The following ZNF566 variants were observed in gnomAD, a reference collection of about 807,000 sequenced individuals.
ZNF566 encodes the protein zinc finger protein 566.
Under a neutral mutation model 32.8 loss-of-function variants are expected in ZNF566, and 27 were observed. That is an observed-to-expected ratio of 0.82 (90% confidence interval 0.61 to 1.14). The LOEUF is 1.14. ZNF566 is among the 50% of genes most tolerant of loss of function. ZNF566 has a pLI of 0.00. For synonymous variants in ZNF566, 154 were observed against 159.5 expected (o/e 0.97, Z 0.26); for missense variants, 402 against 490.4 (o/e 0.82, Z 1.70).
intron 4 of ZNF566, among the ~76,000 whole-genome samples, chr19:36,463,115 A>G (rs2033519138): frequency 6.6e-6 from 1 of 151,814 alleles, no homozygotes; most frequent in Non-Finnish European, 1.5e-5. Flanking sequence ...ATCAGCCTAG[A>G]TAACACAGGG....
In ZNF566 at chr19:36,448,627, G is replaced by A. The variant is rs2033053972; in HGVS notation, c.*350C>T. On this transcript the variant is annotated 3_prime_UTR_variant, in exon 5 of 5. Coordinates refer to ENST00000452939, the MANE Select transcript of ZNF566 (RefSeq NM_001145344.1). ...GAATGTAACAATTAGAGAAATTAGGGGAAAAAATGACAATCACAGGACTAC... is the reference window on the plus strand; with the variant it reads ...GAATGTAACAATTAGAGAAATTAGGAGAAAAAATGACAATCACAGGACTAC... 1 of 170,162 alleles carries A rather than the reference G, an allele frequency of 5.9e-6. No individual in the cohort carries two copies. Among genetic ancestry groups the A allele is most frequent in the Non-Finnish European group, 1.2e-5 (1 of 80,734 alleles). 10.5% of individuals were successfully genotyped at this position (170,162 alleles called of 1,614,324 possible). A position where few individuals can be genotyped will look rare whatever the true frequency, so the allele number is the denominator to read the frequency against.
At chr19:36,450,455 C>T (rs2033125449) in intron 4 of ZNF566, among the ~76,000 whole-genome samples, 1 of 152,056 alleles carries the variant, frequency 6.6e-6, no homozygotes, top group South Asian at 2.1e-4. Flanking sequence ...ATCAGCCTGG[C>T]TAACATGGTG....
chr19:36,450,874 T>C (rs916367850), intron 4 of ZNF566, among the ~76,000 whole-genome samples: 1 of 152,200 alleles, frequency 6.6e-6, no homozygotes, highest in Non-Finnish European at 1.5e-5. Flanking sequence ...TGATAGAGAA[T>C]GTGTGAACTG....
At chr19:36,488,467 C>T (rs2034227151) in intron 1 of ZNF566, among the ~76,000 whole-genome samples, 1 of 152,144 alleles carries the variant, frequency 6.6e-6, no homozygotes, top group South Asian at 2.1e-4. Flanking sequence ...TCAAACATTG[C>T]TGTTCAAGTA....
intron 4 of ZNF566, among the ~76,000 whole-genome samples, chr19:36,464,654 C>T (rs112972775): frequency 0.014 from 2,061 of 152,080 alleles, 49 homozygotes; most frequent in African/African-American, 0.047. Flanking sequence ...TGATGGCATG[C>T]GCCTGCAGTC....
chr19:36,481,893 T>C (rs1020775346), intron 1 of ZNF566, among the ~76,000 whole-genome samples: 2 of 152,206 alleles, frequency 1.3e-5, no homozygotes, highest in East Asian at 1.9e-4. Flanking sequence ...AAAAGAATTA[T>C]GAATATCTCT....
rs532732706 is a variant in ZNF566, at chr19:36,461,557, C to A, written c.232+11354G>T. 9.2e-5 allele frequency among the ~76,000 whole-genome samples: 14 copies of A among 152,166 alleles called. 1 individual carries two copies. The highest frequency in any genetic ancestry group is 1.9e-4 in the Non-Finnish European group (13 of 68,006). ...TAGTGGCGTGCACCTGTAGTCCCAG[C>A]TACTCAGGGAGGCTGAGGCAGGAGA... On this transcript the variant is annotated intron_variant, in intron 4 of 4. Coordinates refer to ENST00000452939, the MANE Select transcript of ZNF566 (RefSeq NM_001145344.1).
rs763501009 is a variant in ZNF566, at chr19:36,449,712, T to C, written c.522A>G (p.Lys174=). 1.2e-6 allele frequency: 2 copies of C among 1,614,160 alleles called. No individual in the cohort carries two copies. Among genetic ancestry groups the C allele is most frequent in the Non-Finnish European group, 1.7e-6 (2 of 1,180,024 alleles). The change falls in exon 5 of 5, where the codon AAA becomes AAG. Residue 174 remains lysine, a synonymous_variant. Transcript: ENST00000452939. The part of the protein sequence containing the change: ...INSKKKFCAS[K]EYRKTFRHGS... ...CATGTCTAAAGGTTTTCCTATATTC[T>C]TTAGATGCACAGAATTTCTTTTTAC... is the stretch of plus-strand genomic sequence containing the variant.
intron 1 of ZNF566, among the ~76,000 whole-genome samples, chr19:36,481,613 T>C (rs911035482): frequency 6.6e-6 from 1 of 151,718 alleles, no homozygotes; most frequent in African/African-American, 2.4e-5. Flanking sequence ...ACACAGCAAG[T>C]AGGAATAAAA....
rs902342419 is a variant in ZNF566, at chr19:36,448,053, A to T, written c.*924T>A. The T allele has an allele frequency of 6.6e-6, 1 of 152,190 alleles. No individual in the cohort carries two copies. The highest frequency in any genetic ancestry group is 1.5e-5 in the Non-Finnish European group (1 of 68,010). The allele number at this position is 152,190 out of a possible 1,614,324, so 9.4% of individuals were successfully genotyped here. On this transcript the variant is annotated 3_prime_UTR_variant, in exon 5 of 5. Coordinates refer to ENST00000452939, the MANE Select transcript of ZNF566 (RefSeq NM_001145344.1). ...GCATTATGAGGTAGGTATTATAATT[A>T]TCCCCCATTTTATAATTTTTACTGA... is the stretch of plus-strand genomic sequence containing the variant.
At chr19:36,465,343 C>T (rs950047137) in intron 4 of ZNF566, among the ~76,000 whole-genome samples, 6 of 152,170 alleles carry the variant, frequency 3.9e-5, no homozygotes, top group African/African-American at 1.4e-4. Context: ...AGTACGTACA[C>T]CAAGATCCTG....
At chr19:36,488,034 AGAT>A (rs2034214368) in intron 1 of ZNF566, among the ~76,000 whole-genome samples, 1 of 152,056 alleles carries the variant, frequency 6.6e-6, no homozygotes, top group African/African-American at 2.4e-5. Context: ...TTCTTTGTAT[AGAT>A]CTAAGAGTGT....
chr19:36,463,820 G>A (rs2033543768), intron 4 of ZNF566, among the ~76,000 whole-genome samples: 1 of 151,788 alleles, frequency 6.6e-6, no homozygotes. Flanking sequence ...CCACCTCCCG[G>A]GTTCAAGCAA....
At chr19:36,471,396 G>A (rs188155563) in intron 4 of ZNF566, among the ~76,000 whole-genome samples, 174 of 151,920 alleles carry the variant, frequency 1.1e-3, no homozygotes, top group African/African-American at 3.7e-3. Flanking sequence ...GTACCCCTCT[G>A]CTCTCACTCC....
At chr19:36,464,969 G>C (rs1053415627) in intron 4 of ZNF566, among the ~76,000 whole-genome samples, 6 of 151,942 alleles carry the variant, frequency 3.9e-5, no homozygotes, top group African/African-American at 1.5e-4. Flanking sequence ...GAATAAAAAA[G>C]ACACAAACTG....
In ZNF566 at chr19:36,449,759, T is replaced by C. The variant is rs2033098900; in HGVS notation, c.475A>G (p.Thr159Ala). ...TTACTGTTAATGATTTGCTGTAATG[T>C]GAAGGATGGATGGTGACTCAAAGTG... ...LPTLSHHPSF[T>A]LQQIINSKKK... Residue 159 changes from threonine (T) to alanine (A), a missense_variant, in exon 5 of 5, where the codon ACA becomes GCA. By Grantham distance (58) the Thr-to-Ala change is moderately conservative. Around this residue, in one of 3 missense-constraint regions of ZNF566, gnomAD observed 220 missense variants for 241.9 expected, o/e 0.91. Transcript: ENST00000452939. 1 of 1,614,056 alleles carries C rather than the reference T, an allele frequency of 6.2e-7. No homozygotes were observed. The highest frequency in any genetic ancestry group is 1.3e-5 in the African/African-American group (1 of 74,936).
At chr19:36,458,700 T>A (rs887310163) in intron 4 of ZNF566, among the ~76,000 whole-genome samples, 3 of 152,206 alleles carry the variant, frequency 2.0e-5, no homozygotes, top group African/African-American at 7.2e-5. Context: ...TTGGAATTTA[T>A]TATGGGAGTA....
intron 4 of ZNF566, among the ~76,000 whole-genome samples, chr19:36,462,450 T>C (rs1401750792): frequency 6.6e-6 from 1 of 152,006 alleles, no homozygotes; most frequent in Admixed American, 6.6e-5. Flanking sequence ...TTTCTGCAAC[T>C]ATGCCTGGGT....
In ZNF566 at chr19:36,478,883, G is replaced by C. The variant is rs548612503; in HGVS notation, c.-59-2267C>G. ...ACTATAAAAGCAATGGATTATCCAG[G>C]CTCAGTGTTCCTCAGTGGCTATGCC... On this transcript the variant is annotated intron_variant, in intron 1 of 4. Transcript: ENST00000452939. Among the ~76,000 whole-genome samples the C allele has an allele frequency of 3.9e-5, 6 of 152,314 alleles. No individual in the cohort carries two copies. The South Asian group carries it at 1.0e-3, about 26-fold the overall frequency.
Sources: allele counts gnomAD v4.1 joint callset (sites outside exome capture counted in the v4.1 genomes callset), GRCh38; gene constraint gnomAD v4.1.1; regional missense constraint gnomAD v4.1.1; transcripts MANE v1.5; gene names NCBI Gene and HGNC (gene_info 2026-07-23, HGNC 2026-07-21).